The following WWOX variants were observed in gnomAD, a reference collection of about 807,000 sequenced individuals.
WWOX encodes WW domain-containing oxidoreductase.
A neutral mutation model predicts 46.2 loss-of-function variants in WWOX; 69 were observed. The ratio of observed to expected loss-of-function variants is 1.49; its 90% CI spans 1.23 to 1.82. WWOX has a LOEUF of 1.82. WWOX is among the 40% of genes most tolerant of loss of function. WWOX has a pLI of 0.00. For synonymous variants in WWOX, 359 were observed against 202.6 expected, an observed-to-expected ratio of 1.77 and a Z score of -6.56; for missense variants, 919 against 542.6, an observed-to-expected ratio of 1.69 and a Z score of -6.89.
intron 5 of WWOX, among the ~76,000 whole-genome samples, chr16:78,189,947 G>GC (rs35600539): frequency 0.13 from 19,693 of 152,114 alleles, 1,429 homozygotes; most frequent in African/African-American, 0.19. Flanking sequence ...GAGCCACCAC[G>GC]CCCGGCTCAA....
chr16:79,047,544 C>T (rs146082204), intron 8 of WWOX, among the ~76,000 whole-genome samples: 1 of 152,266 alleles, frequency 6.6e-6, no homozygotes, highest in African/African-American at 2.4e-5. Flanking sequence ...TAGGGGCCAC[C>T]ATGTGTATCA....
At chr16:78,609,475 AG>A (rs2045845600) in intron 8 of WWOX, among the ~76,000 whole-genome samples, 1 of 151,572 alleles carries the variant, frequency 6.6e-6, no homozygotes. Flanking sequence ...GACTTAAAAA[AG>A]AAAAAAAAAA....
At chr16:78,671,346 G>A (rs1396616881) in intron 8 of WWOX, among the ~76,000 whole-genome samples, 1 of 152,174 alleles carries the variant, frequency 6.6e-6, no homozygotes, top group Non-Finnish European at 1.5e-5. Context: ...CATCATTTGA[G>A]CCTGGGAGGT....
intron 8 of WWOX, among the ~76,000 whole-genome samples, chr16:78,677,608 A>T (rs2047632709): frequency 4.6e-5 from 7 of 152,172 alleles, no homozygotes; most frequent in Admixed American, 3.9e-4. Flanking sequence ...ACAGTGTGGG[A>T]CACCTGACTT....
chr16:78,723,831 A>G (rs567354090), intron 8 of WWOX, among the ~76,000 whole-genome samples: 4 of 152,052 alleles, frequency 2.6e-5, no homozygotes, highest in East Asian at 1.9e-4. Context: ...GATGTAACAG[A>G]TAACCCCCAA....
At chr16:78,981,440 CA>C (rs1174937350) in intron 8 of WWOX, among the ~76,000 whole-genome samples, 4 of 105,378 alleles carry the variant, frequency 3.8e-5, no homozygotes, top group Non-Finnish European at 7.7e-5. Context: ...TATGAAGCAT[CA>C]TTTTTTTTTT....
At chr16:78,258,207 C>T (rs981791302) in intron 5 of WWOX, among the ~76,000 whole-genome samples, 1 of 152,134 alleles carries the variant, frequency 6.6e-6, no homozygotes, top group African/African-American at 2.4e-5. Flanking sequence ...TGTACAAAAA[C>T]AAACCAGTCA....
chr16:78,710,472 T>TTA lies in WWOX; in HGVS notation c.1056+277720_1056+277721insTA, dbSNP rs1567507480. 1.4e-3 allele frequency among the ~76,000 whole-genome samples: 40 copies of TTA among 29,504 alleles called. 1 individual carries two copies. The highest frequency in any genetic ancestry group is 6.3e-3 in the African/African-American group (35 of 5,534). 19.4% of individuals were successfully genotyped at this position (29,504 alleles called of 152,430 possible). ...TTGATGCAATTAAAGCTAATGGATC[T>TTA]CATATATATATATATATATATATAT... On this transcript the variant is annotated intron_variant, in intron 8 of 8. Coordinates refer to ENST00000566780, the MANE Select transcript of WWOX (RefSeq NM_016373.4).
chr16:78,389,056 G>C (rs1349922542), intron 6 of WWOX, among the ~76,000 whole-genome samples: 2 of 152,088 alleles, frequency 1.3e-5, no homozygotes, highest in Admixed American at 1.3e-4. Flanking sequence ...GTCAGTCTTA[G>C]TGAGAGTTGC....
chr16:78,256,662 T>A (rs1294110634), intron 5 of WWOX, among the ~76,000 whole-genome samples: 1 of 151,998 alleles, frequency 6.6e-6, no homozygotes, highest in Non-Finnish European at 1.5e-5. Flanking sequence ...AAGGATTGGA[T>A]GAGACTGACA....
intron 8 of WWOX, among the ~76,000 whole-genome samples, chr16:78,930,077 C>G (rs770673305): frequency 6.6e-6 from 1 of 152,040 alleles, no homozygotes; most frequent in East Asian, 1.9e-4. Context: ...TAGCTTCTTG[C>G]CTTCTTCACA....
chr16:78,599,855 T>C (rs867329675), intron 8 of WWOX, among the ~76,000 whole-genome samples: 2 of 152,112 alleles, frequency 1.3e-5, no homozygotes, highest in Non-Finnish European at 2.9e-5. Context: ...GAAGGGACAG[T>C]GAGCTCTCTA....
chr16:78,746,177 C>T (rs2049343235), intron 8 of WWOX, among the ~76,000 whole-genome samples: 1 of 152,166 alleles, frequency 6.6e-6, no homozygotes, highest in Admixed American at 6.5e-5. Flanking sequence ...AAAGCAGGGT[C>T]AGCAGAAAGC....
intron 8 of WWOX, among the ~76,000 whole-genome samples, chr16:78,853,883 T>C (rs1411179553): frequency 6.6e-6 from 1 of 152,176 alleles, no homozygotes; most frequent in African/African-American, 2.4e-5. Flanking sequence ...CTGTCTGTCA[T>C]ATGAAGATTC....
Position 79,195,743 on chromosome 16 carries a change from G to C in WWOX, c.1057-15865G>C, listed in dbSNP as rs1046040192. Among the ~76,000 whole-genome samples, 34 of 152,222 alleles carry C rather than the reference G, an allele frequency of 2.2e-4. 1 individual carries two copies. Among genetic ancestry groups the C allele is most frequent in the Non-Finnish European group, 1.3e-4 (9 of 68,044 alleles). ...ATAATGGTTAAGTCAGATTCAAGAA[G>C]TGTGTTTTGGGGAAACACTCCAGGT... On this transcript the variant is annotated intron_variant, in intron 8 of 8. Coordinates refer to ENST00000566780, the MANE Select transcript of WWOX (RefSeq NM_016373.4).
chr16:79,022,344 CAAAAAAAAA>C (rs10654627), intron 8 of WWOX, among the ~76,000 whole-genome samples: 1 of 71,218 alleles, frequency 1.4e-5, no homozygotes, highest in African/African-American at 5.1e-5. Context: ...CAATCTGTGG[CAAAAAAAAA>C]AAAAAAAAAA....
At chr16:78,410,564 C>T (rs1260952997) in intron 6 of WWOX, among the ~76,000 whole-genome samples, 1 of 151,946 alleles carries the variant, frequency 6.6e-6, no homozygotes. Context: ...TATCACAGCA[C>T]TTTGGGAGGT....
At chr16:78,642,143 A>G (rs1449951297) in intron 8 of WWOX, among the ~76,000 whole-genome samples, 1 of 152,230 alleles carries the variant, frequency 6.6e-6, no homozygotes, top group Non-Finnish European at 1.5e-5. Context: ...ACAAGAAAAT[A>G]TATGGCACTT....
intron 8 of WWOX, among the ~76,000 whole-genome samples, chr16:78,629,411 C>G (rs760048356): frequency 6.6e-6 from 1 of 152,138 alleles, no homozygotes; most frequent in Admixed American, 6.6e-5. Context: ...TCTGCTTCCC[C>G]TCTTGACTCT....
Sources: gnomAD v4.1 joint callset for allele counts (sites outside exome capture counted in the v4.1 genomes callset) on GRCh38, gnomAD v4.1.1 for gene constraint, MANE v1.5 for transcripts, NCBI Gene and HGNC (gene_info 2026-07-23, HGNC 2026-07-21) for gene names.